NRXN3: variants seen among roughly 807,000 people sequenced by gnomAD.
NRXN3 encodes the protein neurexin 3.
In NRXN3, 32 loss-of-function variants were observed where a neutral mutation model predicts 137.6. The observed-to-expected ratio is 0.23, with a 90% confidence interval of 0.18 to 0.31. The LOEUF (loss-of-function observed/expected upper bound fraction) is 0.31, where lower values mean the gene tolerates loss of function less well. Ranked by LOEUF, NRXN3 falls within the 10% of genes least tolerant of loss-of-function variation. The probability of loss-of-function intolerance (pLI) is 1.00; values close to 1 mark genes in which losing one functional copy is unlikely to be tolerated. For synonymous variants in NRXN3, 798 were observed against 784.5 expected, an observed-to-expected ratio of 1.02 and a Z score of -0.29; for missense variants, 1,574 against 2,062.5, an observed-to-expected ratio of 0.76 and a Z score of 4.59.
At chr14:79,052,420 C>T (rs988817849) in intron 15 of NRXN3, among the ~76,000 whole-genome samples, 47 of 152,296 alleles carry the variant, frequency 3.1e-4, no homozygotes, top group Admixed American at 7.2e-4. Context: ...CTGAGACTTG[C>T]GGATCTCATT....
chr14:79,148,832 A>G (rs984187136), intron 15 of NRXN3, among the ~76,000 whole-genome samples: 2 of 152,030 alleles, frequency 1.3e-5, no homozygotes. Context: ...CCTTTTCTCC[A>G]CAAATCCTCC....
intron 20 of NRXN3, among the ~76,000 whole-genome samples, chr14:79,827,465 G>A (rs1483753742): frequency 6.6e-6 from 1 of 152,172 alleles, no homozygotes; most frequent in East Asian, 1.9e-4. Context: ...TATAAAATAA[G>A]GAAGTGTGTT....
At chr14:79,196,452 T>C (rs770230513) in intron 15 of NRXN3, among the ~76,000 whole-genome samples, 4 of 152,170 alleles carry the variant, frequency 2.6e-5, no homozygotes, top group Admixed American at 6.5e-5. Flanking sequence ...AACTCACTTC[T>C]GTAATAATGA....
At chr14:78,882,955 T>C (rs998439582) in intron 10 of NRXN3, among the ~76,000 whole-genome samples, 3 of 152,070 alleles carry the variant, frequency 2.0e-5, no homozygotes, top group Non-Finnish European at 2.9e-5. Flanking sequence ...GTTACCCTCA[T>C]GCTGTTCTCA....
chr14:78,500,730 T>C (rs1346847659), intron 4 of NRXN3, among the ~76,000 whole-genome samples: 1 of 152,152 alleles, frequency 6.6e-6, no homozygotes, highest in Non-Finnish European at 1.5e-5. Flanking sequence ...AGCTCCCTTA[T>C]AATTATTTTC....
intron 4 of NRXN3, among the ~76,000 whole-genome samples, chr14:78,443,941 AC>A (rs2094336414): frequency 6.6e-6 from 1 of 152,186 alleles, no homozygotes; most frequent in Non-Finnish European, 1.5e-5. Context: ...TTTTGTCATT[AC>A]TTTTAAAGGC....
intron 4 of NRXN3, among the ~76,000 whole-genome samples, chr14:78,452,839 G>A (rs2094583424): frequency 6.6e-6 from 1 of 152,162 alleles, no homozygotes; most frequent in African/African-American, 2.4e-5. Context: ...GCTGCCAGGT[G>A]CAATCCCAAG....
intron 16 of NRXN3, among the ~76,000 whole-genome samples, chr14:79,500,251 A>C (rs961240971): frequency 7.0e-6 from 1 of 142,526 alleles, no homozygotes. Context: ...AAAAAAAAAA[A>C]AAAAACCCAT....
In NRXN3 at chr14:79,722,822, A is replaced by G. The variant is rs551034651; in HGVS notation, c.4014+24885A>G. 2.0e-5 allele frequency among the ~76,000 whole-genome samples: 3 copies of G among 152,268 alleles called. No individual in the cohort carries two copies. In the South Asian group the frequency reaches 6.2e-4, roughly 32 times the overall value. On this transcript the variant is annotated intron_variant, in intron 19 of 20. Coordinates refer to ENST00000335750, the MANE Select transcript of NRXN3 (RefSeq NM_001330195.2). Reference sequence around the variant, plus strand: ...GGCATTCAACATATTTTTAGATTCAAAGAATGATAAATGGTAGATGGATAG... The same window carrying G: ...GGCATTCAACATATTTTTAGATTCAGAGAATGATAAATGGTAGATGGATAG...
chr14:79,638,589 A>G (rs2098417379), intron 16 of NRXN3, among the ~76,000 whole-genome samples: 2 of 152,258 alleles, frequency 1.3e-5, no homozygotes, highest in Admixed American at 6.5e-5. Context: ...TACATTCTCA[A>G]TAATGAATTT....
chr14:78,530,480 G>A (rs2096445468), intron 4 of NRXN3, among the ~76,000 whole-genome samples: 1 of 152,216 alleles, frequency 6.6e-6, no homozygotes, highest in South Asian at 2.1e-4. Context: ...GTGCCTGGAG[G>A]ATGGAAAAGG....
chr14:78,583,415 A>C (rs1454482592), intron 4 of NRXN3, among the ~76,000 whole-genome samples: 2 of 151,594 alleles, frequency 1.3e-5, no homozygotes, highest in East Asian at 3.9e-4. Flanking sequence ...AATGAAAAAA[A>C]CCTCAATCTA....
At chr14:79,721,339 C>G (rs1282712249) in intron 19 of NRXN3, among the ~76,000 whole-genome samples, 4 of 152,052 alleles carry the variant, frequency 2.6e-5, no homozygotes, top group African/African-American at 9.7e-5. Flanking sequence ...GGTATGTGAG[C>G]CTCCTTGGAT....
intron 15 of NRXN3, among the ~76,000 whole-genome samples, chr14:79,358,292 G>GT (rs1265505952): frequency 3.3e-5 from 5 of 152,078 alleles, no homozygotes; most frequent in Non-Finnish European, 5.9e-5. Context: ...GCCGGGCATG[G>GT]TGGCTCACGC....
intron 16 of NRXN3, among the ~76,000 whole-genome samples, chr14:79,613,959 T>G (rs80183768): frequency 0.016 from 2,426 of 152,358 alleles, 76 homozygotes; most frequent in African/African-American, 0.055. Context: ...TACTGGCATT[T>G]TTATGGATGG....
chr14:79,300,061 G>A (rs1193375037), intron 15 of NRXN3, among the ~76,000 whole-genome samples: 1 of 152,026 alleles, frequency 6.6e-6, no homozygotes, highest in Non-Finnish European at 1.5e-5. Flanking sequence ...AAAGCGACAA[G>A]TATCAAAGGA....
intron 15 of NRXN3, among the ~76,000 whole-genome samples, chr14:79,343,510 A>G (rs937814383): frequency 4.6e-5 from 7 of 152,144 alleles, no homozygotes; most frequent in African/African-American, 1.2e-4. Flanking sequence ...GACTTGATAC[A>G]GGGTACAAAG....
chr14:78,732,673 T>G (rs1452394687), intron 8 of NRXN3, among the ~76,000 whole-genome samples: 1 of 152,174 alleles, frequency 6.6e-6, no homozygotes. Context: ...AGCTCTGATT[T>G]TAATGCAGAG....
chr14:79,224,644 C>A (rs1347669073), intron 15 of NRXN3, among the ~76,000 whole-genome samples: 1 of 152,028 alleles, frequency 6.6e-6, no homozygotes, highest in Non-Finnish European at 1.5e-5. Flanking sequence ...CAGAATGTGA[C>A]CTTATTTGGA....
Sources: allele counts gnomAD v4.1 joint callset (sites outside exome capture counted in the v4.1 genomes callset), GRCh38; gene constraint gnomAD v4.1.1; transcripts MANE v1.5; gene names NCBI Gene and HGNC (gene_info 2026-07-23, HGNC 2026-07-21).